Variants in SLC13A4 observed in about 807,000 individuals in gnomAD.
SLC13A4 encodes the protein Na(+)/sulfate cotransporter SUT-1.
Under a neutral mutation model 72.7 loss-of-function variants are expected in SLC13A4, and 28 were observed. The ratio of observed to expected loss-of-function variants is 0.39; its 90% CI spans 0.29 to 0.53. The LOEUF is 0.53. SLC13A4 is among the 20% of genes least tolerant of loss of function. The pLI, the probability that SLC13A4 is intolerant of heterozygous loss-of-function variation, is 0.78. For synonymous variants in SLC13A4, 312 were observed against 325.5 expected, an observed-to-expected ratio of 0.96 and a Z score of 0.45; for missense variants, 653 against 788.0, an observed-to-expected ratio of 0.83 and a Z score of 2.05.
At position 135,685,793 on chromosome 7, in the gene SLC13A4, C is replaced by T. The variant is rs985562064; in HGVS notation, c.1447-110G>A. 12 of 951,636 alleles carry T rather than the reference C, an allele frequency of 1.3e-5. No homozygotes were observed. In the African/African-American group the frequency reaches 1.8e-4, roughly 14 times the overall value. 58.9% of individuals were successfully genotyped at this position (951,636 alleles called of 1,614,324 possible). A position where few individuals can be genotyped will look rare whatever the true frequency, so the allele number is the denominator to read the frequency against. On this transcript the variant is annotated intron_variant, in intron 13 of 15. Transcript: ENST00000682651. ...TTGGAAGGCTGGACGACCAGGGATC[C>T]TCTGATCTTTAGTCTGACTGGAACC...
intron 15 of SLC13A4, among the ~76,000 whole-genome samples, chr7:135,682,456 T>C (rs780211684): frequency 1.3e-5 from 2 of 152,204 alleles, no homozygotes; most frequent in Non-Finnish European, 2.9e-5. Flanking sequence ...CCAAGACAAG[T>C]CACTAGCTGG....
At chr7:135,725,126 C>T (rs76951726) in intron 1 of SLC13A4, among the ~76,000 whole-genome samples, 1 of 152,286 alleles carries the variant, frequency 6.6e-6, no homozygotes, top group East Asian at 1.9e-4. Flanking sequence ...ACAATATCTT[C>T]AAGGGACATG....
chr7:135,715,109 G>A (rs1796389286), intron 2 of SLC13A4, among the ~76,000 whole-genome samples: 1 of 151,738 alleles, frequency 6.6e-6, no homozygotes, highest in African/African-American at 2.4e-5. Context: ...GTGTGAGCGT[G>A]TATGAGTTTA....
At chr7:135,691,498 T>C in intron 12 of SLC13A4, 50 bp downstream of exon 12, 2 of 1,540,896 alleles carry the variant, frequency 1.3e-6, no homozygotes, top group Non-Finnish European at 1.8e-6. Flanking sequence ...ATTAGTCTGA[T>C]TTGGGTATTC....
At chr7:135,696,036 T>C (rs1402941679) in intron 8 of SLC13A4, among the ~76,000 whole-genome samples, 1 of 152,186 alleles carries the variant, frequency 6.6e-6, no homozygotes, top group East Asian at 1.9e-4. Flanking sequence ...GGGGAACTGC[T>C]CATTCATCAG....
At chr7:135,689,259 A>G (rs772034468) in intron 13 of SLC13A4, among the ~76,000 whole-genome samples, 1 of 152,240 alleles carries the variant, frequency 6.6e-6, no homozygotes, top group Non-Finnish European at 1.5e-5. Flanking sequence ...CTGAAATTCA[A>G]TAAAGATAAA....
At position 135,727,565 on chromosome 7, in the gene SLC13A4, C is replaced by G; in HGVS notation, c.-69G>C. ...CGGCGAAAGGCTTCCTGCCTGGGCA[C>G]TGCTCTCTATCCAGAAAGACTTCTT... is the stretch of plus-strand genomic sequence containing the variant. On this transcript the variant is annotated 5_prime_UTR_variant, in exon 1 of 16. Transcript: ENST00000682651. 1 of 1,505,094 alleles carries G rather than the reference C, an allele frequency of 6.6e-7. No homozygotes were observed. The highest frequency in any genetic ancestry group is 8.9e-7 in the Non-Finnish European group (1 of 1,119,936). 93.2% of individuals were successfully genotyped at this position (1,505,094 alleles called of 1,614,324 possible). A position where few individuals can be genotyped will look rare whatever the true frequency, so the allele number is the denominator to read the frequency against.
intron 2 of SLC13A4, among the ~76,000 whole-genome samples, chr7:135,712,644 GCA>G (rs1796329617): frequency 6.6e-6 from 1 of 152,164 alleles, no homozygotes; most frequent in Non-Finnish European, 1.5e-5. Context: ...GAGGCCATTA[GCA>G]CACAGAGTGG....
chr7:135,701,954 C>G (rs2129494526), intron 6 of SLC13A4, 194 bp from the exon 7 acceptor site: 1 of 517,376 alleles, frequency 1.9e-6, no homozygotes, highest in Non-Finnish European at 3.4e-6. Flanking sequence ...GTCAAGTTCT[C>G]CACTTGAAGA....
At chr7:135,697,258 A>G (rs1458976611) in intron 8 of SLC13A4, among the ~76,000 whole-genome samples, 1 of 152,246 alleles carries the variant, frequency 6.6e-6, no homozygotes, top group Non-Finnish European at 1.5e-5. Context: ...CCTAAGCATT[A>G]ATATTTGCCT....
intron 15 of SLC13A4, chr7:135,683,216 T>C: frequency 3.8e-6 from 1 of 261,588 alleles, no homozygotes; most frequent in Non-Finnish European, 5.8e-6. Flanking sequence ...TGAGAATCAC[T>C]TGAACCTGGG....
chr7:135,718,089 G>A (rs539277329), intron 2 of SLC13A4, among the ~76,000 whole-genome samples: 10,710 of 84,762 alleles, frequency 0.13, 1,138 homozygotes, highest in African/African-American at 0.41. Flanking sequence ...ACACACACAC[G>A]CGCGCGCGCG....
intron 4 of SLC13A4, chr7:135,705,920 A>G (rs1280980682): frequency 1.8e-6 from 1 of 567,070 alleles, no homozygotes; most frequent in Non-Finnish European, 3.1e-6. Context: ...AGGAAGGAAG[A>G]GCCAGAACAG....
intron 2 of SLC13A4, among the ~76,000 whole-genome samples, chr7:135,717,224 C>G (rs1796451690): frequency 6.6e-6 from 1 of 152,206 alleles, no homozygotes; most frequent in Non-Finnish European, 1.5e-5. Flanking sequence ...ACTGTGCTTT[C>G]TCATGGAGCC....
intron 13 of SLC13A4, among the ~76,000 whole-genome samples, chr7:135,688,256 A>T (rs1795686243): frequency 6.8e-6 from 1 of 148,130 alleles, no homozygotes; most frequent in African/African-American, 2.5e-5. Flanking sequence ...GATTACAGGC[A>T]TGATCCACTG....
chr7:135,699,161 G>T (rs1795974803), intron 8 of SLC13A4, among the ~76,000 whole-genome samples: 1 of 152,032 alleles, frequency 6.6e-6, no homozygotes, highest in African/African-American at 2.4e-5. Flanking sequence ...GGCTGTTTTT[G>T]AACTCCTAGG....
At chr7:135,704,376 T>C (rs1487801885) in intron 5 of SLC13A4, 1 of 152,720 alleles carries the variant, frequency 6.5e-6, no homozygotes, top group Admixed American at 6.5e-5. Flanking sequence ...GGGACTGAAA[T>C]CTCAGAGAGG....
At chr7:135,683,488 G>GGC (rs1563153821) in intron 15 of SLC13A4, 2 of 973,316 alleles carry the variant, frequency 2.1e-6, no homozygotes, top group Non-Finnish European at 1.2e-6. Flanking sequence ...CTCCCCCCCC[G>GGC]CTCAGCCCTG....
chr7:135,700,838 C>G lies in SLC13A4; in HGVS notation c.714+842G>C, dbSNP rs139731048. ...ATTTTACTTTTATTTTTAGTAGAGA[C>G]GAGATCTGGCTGTGTTTCCCAGGCT... On this transcript the variant is annotated intron_variant, in intron 7 of 15. Transcript: ENST00000682651. Among the ~76,000 whole-genome samples, 6 of 152,080 alleles carry G rather than the reference C, an allele frequency of 3.9e-5. 1 individual carries two copies. In the South Asian group the frequency reaches 1.2e-3, roughly 32 times the overall value.
Sources: gnomAD v4.1 joint callset for allele counts (sites outside exome capture counted in the v4.1 genomes callset) on GRCh38, gnomAD v4.1.1 for gene constraint, MANE v1.5 for transcripts, NCBI Gene and HGNC (gene_info 2026-07-23, HGNC 2026-07-21) for gene names.